Variants in RAB3GAP2 observed in about 807,000 individuals in gnomAD.
The protein encoded by RAB3GAP2 is rab3 GTPase-activating protein non-catalytic subunit.
RAB3GAP2 carries 87 observed loss-of-function variants against 185.3 expected under a neutral mutation model. That is an observed-to-expected ratio of 0.47 (90% CI 0.39 to 0.56). The LOEUF (loss-of-function observed/expected upper bound fraction) is 0.56, where lower values mean the gene tolerates loss of function less well. Among genes scored for constraint, RAB3GAP2 ranks in the 20% least tolerant of loss-of-function variants. RAB3GAP2 has a pLI of 0.00. For missense variants in RAB3GAP2, 1,492 were observed against 1,638.2 expected (o/e 0.91, Z 1.54); for synonymous variants, 554 against 576.1 (o/e 0.96, Z 0.55).
chr1:220,249,543 C>T (rs576479499), intron 1 of RAB3GAP2, among the ~76,000 whole-genome samples: 6 of 152,068 alleles, frequency 3.9e-5, no homozygotes, highest in Non-Finnish European at 7.4e-5. Context: ...AAAACCCATT[C>T]CTGAGGAGAA....
At chr1:220,211,536 T>C (rs925231918) in intron 4 of RAB3GAP2, among the ~76,000 whole-genome samples, 1 of 152,250 alleles carries the variant, frequency 6.6e-6, no homozygotes, top group African/African-American at 2.4e-5. Flanking sequence ...TTGCAGAAAC[T>C]GCTCTGATCA....
chr1:220,225,678 GA>G (rs147616890), intron 2 of RAB3GAP2, among the ~76,000 whole-genome samples: 4,832 of 152,272 alleles, frequency 0.032, 110 homozygotes, highest in Non-Finnish European at 0.046. Context: ...TCAGCAAAAT[GA>G]GTGTTTCTAA....
rs111235698 is a variant in RAB3GAP2 at position 220,267,839 on chromosome 1, G to A, written c.115+4384C>T. The A allele has an allele frequency of 1.2e-4, 142 of 1,161,860 alleles. No individual in the cohort carries two copies. The African/African-American group carries it at 1.8e-3, about 14-fold the overall frequency. 72.0% of individuals were successfully genotyped at this position (1,161,860 alleles called of 1,614,324 possible). Reference sequence around the variant, plus strand: ...TCTGACAAGGAAATTGCTGAGTCACGAGAACATGTTCTGGACCTCCAACTG... The same window carrying A: ...TCTGACAAGGAAATTGCTGAGTCACAAGAACATGTTCTGGACCTCCAACTG... On this transcript the variant is annotated intron_variant, in intron 1 of 34. Coordinates refer to ENST00000358951, the MANE Select transcript of RAB3GAP2 (RefSeq NM_012414.4).
intron 2 of RAB3GAP2, among the ~76,000 whole-genome samples, chr1:220,226,559 A>G (rs1276433397): frequency 6.6e-6 from 1 of 152,112 alleles, no homozygotes; most frequent in Non-Finnish European, 1.5e-5. Flanking sequence ...ACTTAAAATC[A>G]AGTTAGTATA....
chr1:220,169,081 T>C (rs1164010141), intron 24 of RAB3GAP2, among the ~76,000 whole-genome samples: 1 of 152,188 alleles, frequency 6.6e-6, no homozygotes, highest in Non-Finnish European at 1.5e-5. Flanking sequence ...CCTGATTCCA[T>C]TGCTTAGGTT....
chr1:220,191,149 G>A lies in RAB3GAP2; in HGVS notation c.1406C>T (p.Ala469Val), dbSNP rs151225064. The change falls in exon 14 of 35, where the codon GCG (alanine) becomes GTG (valine). Residue 469 changes from alanine (A) to valine (V), a missense_variant. Physicochemically the swap from Ala to Val is moderately conservative, Grantham distance 64 (BLOSUM62 0). This residue lies in a region of RAB3GAP2 where 681 missense variants were observed against 689.1 expected (regional missense o/e 0.99). Coordinates refer to ENST00000358951, the MANE Select transcript of RAB3GAP2 (RefSeq NM_012414.4). ...SRVAQFLVIY[A>V]PRRGILEVWS... ...CACTTCTAAAATTCCCCTTCTTGGC[G>A]CATAGATCACAAGGAATTGAGCTAC... The A allele has an allele frequency of 1.3e-4, 202 of 1,613,844 alleles. No individual in the cohort carries two copies. Among genetic ancestry groups the A allele is most frequent in the Middle Eastern group, 3.3e-4 (2 of 6,076 alleles).
In RAB3GAP2 at chr1:220,195,173, A is replaced by C; in HGVS notation, c.1041-6T>G. The C allele has an allele frequency of 6.2e-7, 1 of 1,614,082 alleles. No individual in the cohort carries two copies. The highest frequency in any genetic ancestry group is 8.5e-7 in the Non-Finnish European group (1 of 1,179,928). On this transcript the variant is annotated splice_region_variant and splice_polypyrimidine_tract_variant and intron_variant, in intron 11 of 34. Coordinates refer to ENST00000358951, the MANE Select transcript of RAB3GAP2 (RefSeq NM_012414.4). Reference sequence around the variant, plus strand: ...TTTTCCAACCAAGCCAACCACTGAAAAGAAAGAAAACTTAGAATATAAAAC... The same window carrying C: ...TTTTCCAACCAAGCCAACCACTGAACAGAAAGAAAACTTAGAATATAAAAC...
chr1:220,163,740 C>CAT (rs1274317823), intron 27 of RAB3GAP2, among the ~76,000 whole-genome samples: 15,400 of 89,322 alleles, frequency 0.17, 1,330 homozygotes, highest in Non-Finnish European at 0.21. Flanking sequence ...TATATAAATA[C>CAT]ATACATATAT....
chr1:220,193,503 C>A, intron 12 of RAB3GAP2, 124 bp from the exon 13 acceptor site: 1 of 929,638 alleles, frequency 1.1e-6, no homozygotes, highest in Non-Finnish European at 1.6e-6. Context: ...ATGAATTTTA[C>A]CTGGATTAAT....
At chr1:220,235,676 T>C (rs1277112863) in intron 1 of RAB3GAP2, among the ~76,000 whole-genome samples, 1 of 152,144 alleles carries the variant, frequency 6.6e-6, no homozygotes, top group East Asian at 1.9e-4. Flanking sequence ...TAAAATAAAC[T>C]ATAAAAAGTG....
At chr1:220,218,486 A>C (rs1014029755) in intron 2 of RAB3GAP2, among the ~76,000 whole-genome samples, 3 of 152,138 alleles carry the variant, frequency 2.0e-5, no homozygotes, top group Admixed American at 2.0e-4. Flanking sequence ...AACTATCGCA[A>C]GGACAGAAAA....
At position 220,230,870 on chromosome 1, in the gene RAB3GAP2, T is replaced by A. The variant is rs532152995; in HGVS notation, c.180+1929A>T. 1.1e-4 allele frequency among the ~76,000 whole-genome samples: 16 copies of A among 152,318 alleles called. No homozygotes were observed. In the East Asian group the frequency reaches 1.9e-3, roughly 18 times the overall value. On this transcript the variant is annotated intron_variant, in intron 2 of 34. Coordinates refer to ENST00000358951, the MANE Select transcript of RAB3GAP2 (RefSeq NM_012414.4). ...ATTTATTATTGATTTATCACCTTCC[T>A]CTCATCCTTCATAACCAGCTCACTG...
At chr1:220,217,710 C>G (rs759226945) in intron 2 of RAB3GAP2, among the ~76,000 whole-genome samples, 1 of 152,152 alleles carries the variant, frequency 6.6e-6, no homozygotes, top group Non-Finnish European at 1.5e-5. Flanking sequence ...TATTCTTACA[C>G]CTGAAACTGT....
At chr1:220,250,344 C>T (rs944107056) in intron 1 of RAB3GAP2, among the ~76,000 whole-genome samples, 6 of 152,210 alleles carry the variant, frequency 3.9e-5, no homozygotes, top group Non-Finnish European at 8.8e-5. Flanking sequence ...CCTGTAGCCC[C>T]TTTGTTTTGG....
At chr1:220,184,009 T>C (rs1276615391) in intron 19 of RAB3GAP2, 27 bp downstream of exon 19, 3 of 1,444,930 alleles carry the variant, frequency 2.1e-6, no homozygotes, top group African/African-American at 1.4e-5. Flanking sequence ...GATTATTTTA[T>C]ATAATATAAA....
intron 13 of RAB3GAP2, 37 bp downstream of exon 13, chr1:220,193,203 T>C: frequency 5.6e-6 from 9 of 1,611,086 alleles, no homozygotes; most frequent in South Asian, 3.3e-5. Flanking sequence ...GGGTAAAAAG[T>C]GAATTAATTG....
chr1:220,175,215 ATTTCT>A (rs1052692600), intron 21 of RAB3GAP2, among the ~76,000 whole-genome samples: 15 of 151,774 alleles, frequency 9.9e-5, no homozygotes, highest in South Asian at 6.3e-4. Context: ...AGTGCATCAG[ATTTCT>A]TTTCTTTTCT....
At chr1:220,181,084 T>C (rs1658396117) in intron 21 of RAB3GAP2, among the ~76,000 whole-genome samples, 1 of 152,192 alleles carries the variant, frequency 6.6e-6, no homozygotes, top group Admixed American at 6.5e-5. Flanking sequence ...TGATTTAAGG[T>C]ATACAGGAGA....
intron 24 of RAB3GAP2, 126 bp from the exon 25 acceptor site, chr1:220,167,801 C>T (rs1175785153): frequency 3.9e-6 from 4 of 1,024,120 alleles, no homozygotes; most frequent in East Asian, 2.4e-5. Context: ...GAAGCTGACC[C>T]GAAAAAGCCA....
Sources: allele counts gnomAD v4.1 joint callset (sites outside exome capture counted in the v4.1 genomes callset), GRCh38; gene constraint gnomAD v4.1.1; regional missense constraint gnomAD v4.1.1; transcripts MANE v1.5; gene names NCBI Gene and HGNC (gene_info 2026-07-23, HGNC 2026-07-21).